SLC41A3: variants seen among roughly 807,000 people sequenced by gnomAD.
SLC41A3 encodes solute carrier family 41 member 3.
SLC41A3 carries 44 observed loss-of-function variants against 45.4 expected under a neutral mutation model. That is an observed-to-expected ratio of 0.97 (90% confidence interval 0.76 to 1.25). SLC41A3 has a LOEUF of 1.25. SLC41A3 is among the 50% of genes most tolerant of loss of function. The pLI, the probability that SLC41A3 is intolerant of heterozygous loss-of-function variation, is 0.00. For missense variants in SLC41A3, 550 were observed against 600.6 expected (o/e 0.92, Z 0.88); for synonymous variants, 256 against 252.4 (o/e 1.01, Z -0.13).
intron 2 of SLC41A3, among the ~76,000 whole-genome samples, chr3:126,054,745 G>A (rs539685703): frequency 1.3e-5 from 2 of 151,986 alleles, no homozygotes; most frequent in African/African-American, 4.8e-5. Flanking sequence ...TTCCTTCACA[G>A]GCAAACACCT....
intron 10 of SLC41A3, among the ~76,000 whole-genome samples, chr3:126,007,608 T>G (rs1321114115): frequency 1.3e-5 from 2 of 152,162 alleles, no homozygotes; most frequent in Non-Finnish European, 2.9e-5. Flanking sequence ...CAGCCCTTCC[T>G]GAAGGTGCCA....
chr3:126,068,145 G>A lies in SLC41A3; in HGVS notation c.75C>T (p.Pro25=). Residue 25 remains proline (P), a synonymous_variant, in exon 2 of 11, where the codon CCC becomes CCT. Transcript: ENST00000360370. ...GKPGELGLPH[P]LSTGGLPVAS... ...CTACAGGGAGTCCTCCTGTGCTGAG[G>A]GGGTGAGGAAGCCCCAGCTCCCCTG... 1 of 1,604,758 alleles carries A rather than the reference G, an allele frequency of 6.2e-7. No homozygotes were observed. The highest frequency in any genetic ancestry group is 8.5e-7 in the Non-Finnish European group (1 of 1,175,870).
Position 126,070,199 on chromosome 3 carries a change from A to G in SLC41A3, c.-27-1953T>C, listed in dbSNP as rs1273923505. On this transcript the variant is annotated intron_variant, in intron 1 of 10. Transcript: ENST00000360370. Reference sequence around the variant, plus strand: ...GGAAGAGAGCAGCAACTCATGATGTACAAGAGATCCTTTAGAGCAGGGGTC... The same window carrying G: ...GGAAGAGAGCAGCAACTCATGATGTGCAAGAGATCCTTTAGAGCAGGGGTC... 4 of 152,208 alleles carry G rather than the reference A, an allele frequency of 2.6e-5. No individual in the cohort carries two copies. In the East Asian group the frequency reaches 7.7e-4, roughly 29 times the overall value. 9.4% of individuals were successfully genotyped at this position (152,208 alleles called of 1,614,324 possible).
intron 3 of SLC41A3, among the ~76,000 whole-genome samples, chr3:126,047,952 A>C (rs1436736967): frequency 6.6e-6 from 1 of 152,216 alleles, no homozygotes; most frequent in Admixed American, 6.5e-5. Flanking sequence ...ATCCTACAGA[A>C]CTGGAGAAAG....
At chr3:126,052,874 C>T (rs1285796687) in intron 2 of SLC41A3, among the ~76,000 whole-genome samples, 2 of 152,198 alleles carry the variant, frequency 1.3e-5, no homozygotes, top group East Asian at 3.9e-4. Flanking sequence ...AGTACCCTTC[C>T]ACTGTGCACA....
chr3:126,018,437 C>T (rs542714789), intron 6 of SLC41A3, among the ~76,000 whole-genome samples: 2 of 152,276 alleles, frequency 1.3e-5, no homozygotes, highest in South Asian at 2.1e-4. Context: ...GTAAACTTGG[C>T]GAATCTCCCT....
chr3:126,040,860 C>G, intron 3 of SLC41A3, among the ~76,000 whole-genome samples: 1 of 152,146 alleles, frequency 6.6e-6, no homozygotes, highest in East Asian at 1.9e-4. Flanking sequence ...CACCTCTTCA[C>G]TAAAGGCAAG....
chr3:126,085,418 C>T (rs1945357094), upstream of SLC41A3: 1 of 152,218 alleles, frequency 6.6e-6, no homozygotes, highest in South Asian at 2.1e-4. Flanking sequence ...AGACTCAGGA[C>T]CCCAAAGGAG....
chr3:126,072,349 T>A (rs1944658282), intron 1 of SLC41A3, among the ~76,000 whole-genome samples: 7 of 117,524 alleles, frequency 6.0e-5, no homozygotes, highest in Non-Finnish European at 8.6e-5. Context: ...TGGTAATAAA[T>A]GAAAGAGAAT....
intron 3 of SLC41A3, among the ~76,000 whole-genome samples, chr3:126,041,762 C>T (rs1053985332): frequency 1.3e-5 from 2 of 152,074 alleles, no homozygotes; most frequent in African/African-American, 4.8e-5. Context: ...GTGGCACCAG[C>T]AAGATGGTGA....
At chr3:126,056,442 G>A (rs746395049) in intron 2 of SLC41A3, 1 of 1,614,238 alleles carries the variant, frequency 6.2e-7, no homozygotes, top group Non-Finnish European at 8.5e-7. Flanking sequence ...ACATGATGGT[G>A]AAGAAAGATT....
chr3:126,032,695 T>C (rs1941891378), intron 4 of SLC41A3, among the ~76,000 whole-genome samples: 1 of 152,182 alleles, frequency 6.6e-6, no homozygotes, highest in Non-Finnish European at 1.5e-5. Context: ...GGGGTGCCTC[T>C]GGGACAGGCA....
At chr3:126,043,163 AC>A (rs1942705909) in intron 3 of SLC41A3, among the ~76,000 whole-genome samples, 1 of 152,154 alleles carries the variant, frequency 6.6e-6, no homozygotes, top group Non-Finnish European at 1.5e-5. Context: ...GAGGAAAGAG[AC>A]TCATAACATA....
At chr3:126,093,046 G>T (rs560239900) in intron 1 of SLC41A3, among the ~76,000 whole-genome samples, 1 of 152,286 alleles carries the variant, frequency 6.6e-6, no homozygotes, top group South Asian at 2.1e-4. Flanking sequence ...ACCGCTTTCA[G>T]TTCTATTTAG....
rs1271319361 is a variant in SLC41A3 at position 126,051,060 on chromosome 3, A to C, written c.274-10T>G. 2 of 1,593,046 alleles carry C rather than the reference A, an allele frequency of 1.3e-6. No individual in the cohort carries two copies. The highest frequency in any genetic ancestry group is 1.7e-6 in the Non-Finnish European group (2 of 1,168,304). ...CAAACACAGGCCAGTGCTGGTAGGG[A>C]AACAGTAAGGAGATAAGCCAAACAC... On this transcript the variant is annotated splice_polypyrimidine_tract_variant and intron_variant, in intron 2 of 10. Transcript: ENST00000360370.
intron 3 of SLC41A3, among the ~76,000 whole-genome samples, chr3:126,042,377 C>T (rs989480285): frequency 2.0e-5 from 3 of 151,886 alleles, no homozygotes; most frequent in Non-Finnish European, 4.4e-5. Flanking sequence ...CCAGAAAACC[C>T]CCGAAAAGAC....
rs369734669 is a variant in SLC41A3, at chr3:126,080,625, C to T, written c.-28+3468G>A. On this transcript the variant is annotated intron_variant, in intron 1 of 10. Transcript: ENST00000360370. Reference sequence around the variant, plus strand: ...TAGTGGGAATGTAAACTAGTTCAGCCACTATGGAGAACAGTATGGAAGTTC... The same window carrying T: ...TAGTGGGAATGTAAACTAGTTCAGCTACTATGGAGAACAGTATGGAAGTTC... Among the ~76,000 whole-genome samples the T allele has an allele frequency of 3.9e-5, 6 of 152,270 alleles. No individual in the cohort carries two copies. The South Asian group carries it at 8.3e-4, about 21-fold the overall frequency.
intron 3 of SLC41A3, among the ~76,000 whole-genome samples, chr3:126,037,439 C>A (rs971123489): frequency 2.0e-5 from 3 of 152,136 alleles, no homozygotes; most frequent in Non-Finnish European, 4.4e-5. Context: ...GATGAGGTCT[C>A]AGGTGGAAAT....
intron 10 of SLC41A3, 94 bp downstream of exon 10, chr3:126,008,638 C>A (rs1161464314): frequency 1.3e-6 from 2 of 1,561,582 alleles, no homozygotes; most frequent in South Asian, 1.2e-5. Flanking sequence ...CAGCCACCCC[C>A]ACCCGCCTCC....
Sources: gnomAD v4.1 joint callset for allele counts (sites outside exome capture counted in the v4.1 genomes callset) on GRCh38, gnomAD v4.1.1 for gene constraint, MANE v1.5 for transcripts, NCBI Gene and HGNC (gene_info 2026-07-23, HGNC 2026-07-21) for gene names.